The following ROBO1 variants were observed in gnomAD, a reference collection of about 807,000 sequenced individuals.
The protein encoded by ROBO1 is roundabout guidance receptor 1.
In ROBO1, 149 loss-of-function variants were observed where a neutral mutation model predicts 195.9. That is an observed-to-expected ratio of 0.76 (90% CI 0.67 to 0.87). The LOEUF is 0.87. Among genes scored for constraint, ROBO1 ranks in the 40% least tolerant of loss-of-function variants. The pLI is 0.00. For missense variants in ROBO1, 1,933 were observed against 2,068.3 expected, an observed-to-expected ratio of 0.93 and a Z score of 1.27; for synonymous variants, 816 against 733.2, an observed-to-expected ratio of 1.11 and a Z score of -1.82.
intron 3 of ROBO1, among the ~76,000 whole-genome samples, chr3:79,117,652 A>G (rs1267360441): frequency 6.6e-6 from 1 of 152,216 alleles, no homozygotes; most frequent in Non-Finnish European, 1.5e-5. Context: ...ATACCCACGT[A>G]TATCACTGCA....
intron 2 of ROBO1, among the ~76,000 whole-genome samples, chr3:79,573,863 A>G (rs2107757700): frequency 6.6e-6 from 1 of 152,314 alleles, no homozygotes; most frequent in African/African-American, 2.4e-5. Flanking sequence ...AGCAAATTCA[A>G]CTAAATAAAG....
At chr3:78,876,027 T>G (rs762481233) in intron 4 of ROBO1, among the ~76,000 whole-genome samples, 34 of 151,964 alleles carry the variant, frequency 2.2e-4, no homozygotes, top group Non-Finnish European at 3.8e-4. Context: ...TGTGCAAGAC[T>G]TATTCACATT....
Position 78,809,783 on chromosome 3 carries a change from T to C in ROBO1, c.500-62883A>G, listed in dbSNP as rs1018498192. On this transcript the variant is annotated intron_variant, in intron 4 of 30. Coordinates refer to ENST00000464233, the MANE Select transcript of ROBO1 (RefSeq NM_002941.4). ...CATGTTCTCACTCATAAGTGGGAGT[T>C]GAACAATGAGAACACATGGACACAG... Among the ~76,000 whole-genome samples, 4 of 122,154 alleles carry C rather than the reference T, an allele frequency of 3.3e-5. No homozygotes were observed. In the South Asian group the frequency reaches 1.0e-3, roughly 31 times the overall value. 80.1% of individuals were successfully genotyped at this position (122,154 alleles called of 152,430 possible). A position where few individuals can be genotyped will look rare whatever the true frequency, so the allele number is the denominator to read the frequency against.
intron 2 of ROBO1, among the ~76,000 whole-genome samples, chr3:79,534,907 T>A (rs1361592897): frequency 6.6e-6 from 1 of 152,156 alleles, no homozygotes; most frequent in South Asian, 2.1e-4. Context: ...TACTAACGAC[T>A]GCAGCTTTAC....
chr3:78,736,004 G>A (rs1201182940), intron 5 of ROBO1, among the ~76,000 whole-genome samples: 1 of 152,034 alleles, frequency 6.6e-6, no homozygotes, highest in Non-Finnish European at 1.5e-5. Flanking sequence ...TTCTATATCA[G>A]TATGTCACAC....
At chr3:79,539,417 T>G (rs2107636618) in intron 2 of ROBO1, among the ~76,000 whole-genome samples, 1 of 152,240 alleles carries the variant, frequency 6.6e-6, no homozygotes, top group East Asian at 1.9e-4. Context: ...AAAAGACTTT[T>G]GGGTAAATAG....
chr3:79,134,917 T>G, intron 2 of ROBO1, among the ~76,000 whole-genome samples: 2 of 126,130 alleles, frequency 1.6e-5, no homozygotes, highest in South Asian at 3.3e-4. Flanking sequence ...AGGGATAGCA[T>G]TGGGAGATAT....
chr3:79,185,369 G>C (rs2081418843), intron 2 of ROBO1, among the ~76,000 whole-genome samples: 1 of 152,092 alleles, frequency 6.6e-6, no homozygotes, highest in Non-Finnish European at 1.5e-5. Flanking sequence ...TCAGTAGAGA[G>C]ATTTAGGACA....
At chr3:79,402,252 A>T (rs1439612955) in intron 2 of ROBO1, among the ~76,000 whole-genome samples, 1 of 151,962 alleles carries the variant, frequency 6.6e-6, no homozygotes, top group Non-Finnish European at 1.5e-5. Flanking sequence ...CATTAAAAAT[A>T]TATTCCCTAA....
At chr3:79,262,871 C>T (rs1181281955) in intron 2 of ROBO1, among the ~76,000 whole-genome samples, 1 of 152,034 alleles carries the variant, frequency 6.6e-6, no homozygotes, top group Non-Finnish European at 1.5e-5. Context: ...GTCCTGATAG[C>T]TCTTGAGTCT....
chr3:79,060,989 G>T (rs997890811), intron 3 of ROBO1, among the ~76,000 whole-genome samples: 1 of 152,128 alleles, frequency 6.6e-6, no homozygotes, highest in Admixed American at 6.5e-5. Flanking sequence ...ACTGTTGAAA[G>T]TTCTGGCCAG....
intron 1 of ROBO1, among the ~76,000 whole-genome samples, chr3:79,708,227 C>G (rs1443509650): frequency 1.3e-5 from 2 of 152,100 alleles, no homozygotes; most frequent in Non-Finnish European, 2.9e-5. Flanking sequence ...ACATTCTTAT[C>G]AAGATTGGGA....
At chr3:79,733,234 G>A (rs1383781845) in intron 1 of ROBO1, among the ~76,000 whole-genome samples, 1 of 152,148 alleles carries the variant, frequency 6.6e-6, no homozygotes, top group African/African-American at 2.4e-5. Flanking sequence ...CAGATAACAA[G>A]TGCCCAATTA....
chr3:79,280,302 T>C (rs1254590209), intron 2 of ROBO1, among the ~76,000 whole-genome samples: 1 of 152,214 alleles, frequency 6.6e-6, no homozygotes, highest in African/African-American at 2.4e-5. Flanking sequence ...ATTTGATCAC[T>C]ATACATTATA....
rs543421477 is a variant in ROBO1 at position 79,324,223 on chromosome 3, A to T, written c.89-198684T>A. ...TAATGCCTGTTCTACAATCTCAGGA[A>T]GATTAATGTGGAGAGTTTGGTAACT... On this transcript the variant is annotated intron_variant, in intron 2 of 30. Coordinates refer to ENST00000464233, the MANE Select transcript of ROBO1 (RefSeq NM_002941.4). Among the ~76,000 whole-genome samples the T allele has an allele frequency of 3.9e-5, 6 of 152,292 alleles. No homozygotes were observed. The East Asian group carries it at 9.7e-4, about 25-fold the overall frequency.
intron 2 of ROBO1, among the ~76,000 whole-genome samples, chr3:79,459,771 G>A (rs1416187895): frequency 6.6e-6 from 1 of 151,892 alleles, no homozygotes; most frequent in East Asian, 1.9e-4. Context: ...ATTTTAAAAA[G>A]CAATAAAAAG....
At chr3:79,064,139 TA>T (rs1423654146) in intron 3 of ROBO1, among the ~76,000 whole-genome samples, 1 of 151,998 alleles carries the variant, frequency 6.6e-6, no homozygotes, top group Non-Finnish European at 1.5e-5. Context: ...ATGGATATAC[TA>T]ATTACTCTGA....
At chr3:79,644,579 A>G (rs1409293835) in intron 1 of ROBO1, among the ~76,000 whole-genome samples, 1 of 152,124 alleles carries the variant, frequency 6.6e-6, no homozygotes, top group Non-Finnish European at 1.5e-5. Flanking sequence ...CTTATTTACT[A>G]TCACAAGAAC....
rs983404355 is a variant in ROBO1, at chr3:79,219,171, A to G, written c.89-93632T>C. Among the ~76,000 whole-genome samples, 9 of 152,044 alleles carry G rather than the reference A, an allele frequency of 5.9e-5. No homozygotes were observed. The East Asian group carries it at 1.5e-3, about 26-fold the overall frequency. ...TTTAAGAATGCCTAGAAATTTCAGCATTAAGGGACAGATCAGTATCTGTTC... is the reference window on the plus strand; with the variant it reads ...TTTAAGAATGCCTAGAAATTTCAGCGTTAAGGGACAGATCAGTATCTGTTC... On this transcript the variant is annotated intron_variant, in intron 2 of 30. Coordinates refer to ENST00000464233, the MANE Select transcript of ROBO1 (RefSeq NM_002941.4).
Sources: allele counts gnomAD v4.1 joint callset (sites outside exome capture counted in the v4.1 genomes callset), GRCh38; gene constraint gnomAD v4.1.1; transcripts MANE v1.5; gene names NCBI Gene and HGNC (gene_info 2026-07-23, HGNC 2026-07-21).